Variants in FANCA observed in about 807,000 individuals in gnomAD.
FANCA encodes the protein Fanconi anemia group A protein.
FANCA carries 236 observed loss-of-function variants against 194.3 expected under a neutral mutation model. That is an observed-to-expected ratio of 1.21 (90% CI 1.09 to 1.35). The LOEUF is 1.35. Among genes scored for constraint, FANCA ranks in the 40% most tolerant of loss-of-function variants. The pLI is 0.00. For missense variants in FANCA, 2,628 were observed against 1,813.9 expected, an observed-to-expected ratio of 1.45 and a Z score of -8.15; for synonymous variants, 1,014 against 715.8, an observed-to-expected ratio of 1.42 and a Z score of -6.65.
rs751963925 is a variant in FANCA at position 89,767,257 on chromosome 16, CAT to C, written c.2505-22_2505-21del. On this transcript the variant is annotated intron_variant, in intron 26 of 42. Transcript: ENST00000389301. ...CAAAATCTGAAAACAGAAATTATAA[CAT>C]ATAAATGTAATCCATACAAAATAAG... 1 of 1,519,834 alleles carries C rather than the reference CAT, an allele frequency of 6.6e-7. No individual in the cohort carries two copies. The allele number at this position is 1,519,834 out of a possible 1,614,324, so 94.1% of individuals were successfully genotyped here.
rs3743862 is a variant in FANCA, at chr16:89,751,902, G to C, written c.3066+236C>G. Among the ~76,000 whole-genome samples the C allele has an allele frequency of 0.72, 108,710 of 151,828 alleles. 40,727 individuals are homozygous for C. The highest frequency in any genetic ancestry group is 0.99 in the East Asian group (5,104 of 5,174). ...TCTCCTGCCTCAGCCTCCCGAGTAG[G>C]TGGGGCTACAGGTGCCCGCCACCAC... On this transcript the variant is annotated intron_variant, in intron 31 of 42. Coordinates refer to ENST00000389301, the MANE Select transcript of FANCA (RefSeq NM_000135.4).
intron 32 of FANCA, 126 bp downstream of exon 32, chr16:89,749,604 T>TG: frequency 8.4e-7 from 1 of 1,196,636 alleles, no homozygotes; most frequent in South Asian, 1.3e-5. Flanking sequence ...TGGACAGGCT[T>TG]GGGGTGGGGA....
At chr16:89,752,460 T>C (rs1211659977) in intron 30 of FANCA, among the ~76,000 whole-genome samples, 1 of 152,122 alleles carries the variant, frequency 6.6e-6, no homozygotes, top group Non-Finnish European at 1.5e-5. Flanking sequence ...AGGATGTGGG[T>C]GGCAAGCCAC....
At chr16:89,746,363 T>G (rs770402886) in intron 35 of FANCA, among the ~76,000 whole-genome samples, 1 of 152,070 alleles carries the variant, frequency 6.6e-6, no homozygotes, top group African/African-American at 2.4e-5. Flanking sequence ...GCGGGTGCCA[T>G]GGTGACGGCG....
At chr16:89,747,962 G>A in intron 33 of FANCA, among the ~76,000 whole-genome samples, 1 of 152,158 alleles carries the variant, frequency 6.6e-6, no homozygotes. Context: ...ACCCAGGCTG[G>A]AGTGTAGTGG....
intron 35 of FANCA, among the ~76,000 whole-genome samples, chr16:89,745,408 ACTC>A (rs1215364993): frequency 6.7e-6 from 1 of 150,368 alleles, no homozygotes; most frequent in African/African-American, 2.5e-5. Context: ...AAGGGACCAC[ACTC>A]CTCTGAGCTG....
chr16:89,770,758 T>C, intron 23 of FANCA, 124 bp from the exon 24 acceptor site: 3 of 834,228 alleles, frequency 3.6e-6, no homozygotes, highest in Non-Finnish European at 6.0e-6. Flanking sequence ...CAAAACAGGC[T>C]TGTTTGGAGG....
chr16:89,781,379 A>T (rs1231584171), intron 17 of FANCA, among the ~76,000 whole-genome samples: 1 of 148,830 alleles, frequency 6.7e-6, no homozygotes, highest in East Asian at 2.0e-4. Context: ...AAAAAAAAAA[A>T]AAAAAAACAA....
chr16:89,784,551 G>A (rs903179247), intron 15 of FANCA, among the ~76,000 whole-genome samples: 21 of 152,094 alleles, frequency 1.4e-4, no homozygotes, highest in Admixed American at 5.9e-4. Context: ...CTGTTTTGAG[G>A]GAGACTGAAC....
chr16:89,792,821 G>T (rs943562128), intron 11 of FANCA: 8 of 403,354 alleles, frequency 2.0e-5, no homozygotes, highest in Non-Finnish European at 1.9e-5. Context: ...TAAAGAGTGT[G>T]AGTCATCTCC....
At position 89,737,830 on chromosome 16, in the gene FANCA, A is replaced by C; in HGVS notation, c.*771T>G. 1 of 1,614,160 alleles carries C rather than the reference A, an allele frequency of 6.2e-7. No homozygotes were observed. The highest frequency in any genetic ancestry group is 8.5e-7 in the Non-Finnish European group (1 of 1,180,034). On this transcript the variant is annotated 3_prime_UTR_variant, in exon 43 of 43. Transcript: ENST00000389301. ...GAGGTGCGGAACTATATCTGTGACG[A>C]ATGTGGACAAACCTTCAAGCAGCGG...
chr16:89,738,462 CATAA>C lies in FANCA; in HGVS notation c.*135_*138del, dbSNP rs1165302176. 1 of 1,440,472 alleles carries C rather than the reference CATAA, an allele frequency of 6.9e-7. No homozygotes were observed. The highest frequency in any genetic ancestry group is 1.4e-5 in the African/African-American group (1 of 71,028). The allele number at this position is 1,440,472 out of a possible 1,614,324, so 89.2% of individuals were successfully genotyped here. On this transcript the variant is annotated 3_prime_UTR_variant, in exon 43 of 43. Transcript: ENST00000389301. Reference sequence around the variant, plus strand: ...CTGAGTGACTCGGGGCCGGACAGTTCATAAATAATTGATTCCTTTCCCCACTAAA... The same window carrying C: ...CTGAGTGACTCGGGGCCGGACAGTTCATAATTGATTCCTTTCCCCACTAAA...
chr16:89,795,055 C>T (rs986041319), intron 11 of FANCA, among the ~76,000 whole-genome samples: 5 of 152,128 alleles, frequency 3.3e-5, no homozygotes, highest in Non-Finnish European at 7.4e-5. Flanking sequence ...GAGGCCGAGA[C>T]GGGCGGATTA....
chr16:89,737,960 T>G lies in FANCA; in HGVS notation c.*641A>C. On this transcript the variant is annotated 3_prime_UTR_variant, in exon 43 of 43. Coordinates refer to ENST00000389301, the MANE Select transcript of FANCA (RefSeq NM_000135.4). ...GCTGTGGCCCTCGCACCTTCTTATC[T>G]GCCTCTGTCCCCCAGGTGTGAGGTC... The G allele has an allele frequency of 1.9e-6, 3 of 1,614,130 alleles. No individual in the cohort carries two copies. Among genetic ancestry groups the G allele is most frequent in the Non-Finnish European group, 2.5e-6 (3 of 1,179,990 alleles).
chr16:89,811,769 C>T (rs115532303), intron 3 of FANCA, among the ~76,000 whole-genome samples: 2,245 of 152,124 alleles, frequency 0.015, 64 homozygotes, highest in African/African-American at 0.052. Flanking sequence ...CTTACACTGC[C>T]GCCTGGACTG....
At chr16:89,789,561 C>A (rs540269470) in intron 14 of FANCA, among the ~76,000 whole-genome samples, 4 of 151,258 alleles carry the variant, frequency 2.6e-5, no homozygotes, top group African/African-American at 7.3e-5. Flanking sequence ...CTGCCTCAGC[C>A]GGTAAGTAGC....
Position 89,816,582 on chromosome 16 carries a change from C to T in FANCA, c.34G>A (p.Gly12Ser), listed in dbSNP as rs2041141674. 2 of 1,525,664 alleles carry T rather than the reference C, an allele frequency of 1.3e-6. No individual in the cohort carries two copies. Among genetic ancestry groups the T allele is most frequent in the East Asian group, 2.5e-5 (1 of 39,266 alleles). 94.5% of individuals were successfully genotyped at this position (1,525,664 alleles called of 1,614,324 possible). A position where few individuals can be genotyped will look rare whatever the true frequency, so the allele number is the denominator to read the frequency against. Reference protein sequence around the residue: ...SDSWVPNSASGQDPGGRRRAW... With the variant: ...SDSWVPNSASSQDPGGRRRAW... The stretch of plus-strand genomic sequence containing the variant: ...CTCCGGCGGCCCCCTGGGTCCTGGC[C>T]CGAGGCGGAGTTCGGGACCCACGAG... The change falls in exon 1 of 43, where the codon GGC (glycine) becomes AGC (serine). Residue 12 changes from glycine (G) to serine (S), a missense_variant. By Grantham distance (56) the Gly-to-Ser change is moderately conservative. Coordinates refer to ENST00000389301, the MANE Select transcript of FANCA (RefSeq NM_000135.4).
chr16:89,745,079 GAGAGCACCAGCACAC>G lies in FANCA; in HGVS notation c.3514-23_3514-9del. 2 of 1,593,664 alleles carry G rather than the reference GAGAGCACCAGCACAC, an allele frequency of 1.3e-6. No individual in the cohort carries two copies. Among genetic ancestry groups the G allele is most frequent in the Non-Finnish European group, 1.7e-6 (2 of 1,173,844 alleles). On this transcript the variant is annotated splice_polypyrimidine_tract_variant and intron_variant, in intron 35 of 42. Coordinates refer to ENST00000389301, the MANE Select transcript of FANCA (RefSeq NM_000135.4). ...CAGGCTCGGCCACCACACCTATGGA[GAGAGCACCAGCACAC>G]AGATGAGGGTGGCTGAGATGGACAC...
intron 20 of FANCA, chr16:89,778,543 G>C: frequency 4.7e-6 from 2 of 429,268 alleles, no homozygotes; most frequent in Non-Finnish European, 8.2e-6. Context: ...CAAGAGAATC[G>C]CTTGAACCTA....
Sources: allele counts gnomAD v4.1 joint callset (sites outside exome capture counted in the v4.1 genomes callset), GRCh38; gene constraint gnomAD v4.1.1; transcripts MANE v1.5; gene names NCBI Gene and HGNC (gene_info 2026-07-23, HGNC 2026-07-21).